Variants in STK33 observed in about 807,000 individuals in gnomAD.
STK33 encodes serine/threonine-protein kinase 33.
A neutral mutation model predicts 58.0 loss-of-function variants in STK33; 52 were observed. The observed-to-expected ratio is 0.90, with a 90% confidence interval of 0.72 to 1.13. The LOEUF (loss-of-function observed/expected upper bound fraction) is 1.13. Among genes scored for constraint, STK33 ranks in the 50% most tolerant of loss-of-function variants. The probability of loss-of-function intolerance (pLI) is 0.00; values close to 1 mark genes in which losing one functional copy is unlikely to be tolerated. For synonymous variants in STK33, 215 were observed against 200.1 expected (o/e 1.07, Z -0.63); for missense variants, 630 against 604.2 (o/e 1.04, Z -0.45).
intron 1 of STK33, among the ~76,000 whole-genome samples, chr11:8,513,748 A>G (rs1272602243): frequency 6.6e-6 from 1 of 152,164 alleles, no homozygotes; most frequent in East Asian, 1.9e-4. Flanking sequence ...CAGGCATGCA[A>G]TGTGTAATAA....
the STK33 span, among the ~76,000 whole-genome samples, chr11:8,365,274 C>G: frequency 6.6e-6 from 1 of 152,176 alleles, no homozygotes; most frequent in Non-Finnish European, 1.5e-5. Flanking sequence ...TTCTCCCTTT[C>G]TCTTCAAGAG....
chr11:8,356,905 A>T, the STK33 span, among the ~76,000 whole-genome samples: 1 of 152,146 alleles, frequency 6.6e-6, no homozygotes, highest in Non-Finnish European at 1.5e-5. Context: ...ACTGTGCAAG[A>T]GAGACAGGAG....
At chr11:8,404,263 T>A (rs1938675179) in intron 15 of STK33, among the ~76,000 whole-genome samples, 1 of 152,224 alleles carries the variant, frequency 6.6e-6, no homozygotes, top group Non-Finnish European at 1.5e-5. Flanking sequence ...GAGAAAAATA[T>A]AAATATCTTT....
intron 14 of STK33, among the ~76,000 whole-genome samples, chr11:8,419,795 G>T (rs115309775): frequency 0.013 from 1,969 of 152,096 alleles, 42 homozygotes; most frequent in African/African-American, 0.045. Flanking sequence ...GAACCCATTT[G>T]TGTAAAGTAT....
chr11:8,496,940 A>C lies in STK33; in HGVS notation c.-465-16326T>G, dbSNP rs183261785. Among the ~76,000 whole-genome samples, 295 of 152,318 alleles carry C rather than the reference A, an allele frequency of 1.9e-3. 1 individual carries two copies. The highest frequency in any genetic ancestry group is 5.8e-3 in the South Asian group (28 of 4,828). ...AAAAAAACAAGTAATTATTTTTACCATATCAGTTTTTAGAGGAAGCATTGA... is the reference window on the plus strand; with the variant it reads ...AAAAAAACAAGTAATTATTTTTACCCTATCAGTTTTTAGAGGAAGCATTGA... On this transcript the variant is annotated intron_variant, in intron 1 of 15. Coordinates refer to ENST00000687296, the MANE Select transcript of STK33 (RefSeq NM_001352389.2).
intron 1 of STK33, among the ~76,000 whole-genome samples, chr11:8,577,027 G>A (rs1958235360): frequency 6.6e-6 from 1 of 152,112 alleles, no homozygotes; most frequent in Non-Finnish European, 1.5e-5. Flanking sequence ...TGGGACTACA[G>A]GCATGAGTCA....
At chr11:8,476,279 AT>A (rs1949264828) in intron 4 of STK33, among the ~76,000 whole-genome samples, 1 of 152,234 alleles carries the variant, frequency 6.6e-6, no homozygotes, top group Non-Finnish European at 1.5e-5. Flanking sequence ...GAAAATTTAT[AT>A]TCTTAAACCT....
chr11:8,475,909 C>T (rs747346036), intron 4 of STK33: 3 of 152,008 alleles, frequency 2.0e-5, no homozygotes, highest in Non-Finnish European at 4.4e-5. Flanking sequence ...GGGATATATG[C>T]AATATACTGT....
At chr11:8,368,329 G>A in the STK33 span, among the ~76,000 whole-genome samples, 57 of 152,290 alleles carry the variant, frequency 3.7e-4, 1 homozygote, top group African/African-American at 1.3e-3. Flanking sequence ...CAAGATACCT[G>A]AAAGCTGCTG....
At chr11:8,370,137 T>G in the STK33 span, among the ~76,000 whole-genome samples, 3 of 152,080 alleles carry the variant, frequency 2.0e-5, no homozygotes, top group African/African-American at 7.2e-5. Flanking sequence ...TTGGGAGGAT[T>G]GCGGTAGAGC....
At chr11:8,337,697 C>T in the STK33 span, among the ~76,000 whole-genome samples, 2 of 151,990 alleles carry the variant, frequency 1.3e-5, no homozygotes, top group Non-Finnish European at 2.9e-5. Flanking sequence ...TGCCTCCCAC[C>T]GTTTCTCGTC....
At chr11:8,453,401 T>C (rs911859346) in intron 10 of STK33, among the ~76,000 whole-genome samples, 2 of 152,220 alleles carry the variant, frequency 1.3e-5, no homozygotes, top group Non-Finnish European at 2.9e-5. Context: ...TTATTTATAA[T>C]TGGTAAACAG....
chr11:8,341,480 G>T, the STK33 span, among the ~76,000 whole-genome samples: 67,914 of 152,092 alleles, frequency 0.45, 16,468 homozygotes, highest in Non-Finnish European at 0.54. Context: ...TCCCCACTCA[G>T]TGGCTTCCTT....
chr11:8,581,549 C>G (rs2030263818), intron 1 of STK33, among the ~76,000 whole-genome samples: 1 of 152,130 alleles, frequency 6.6e-6, no homozygotes, highest in South Asian at 2.1e-4. Context: ...AGACTCATCC[C>G]AGAAAAGACT....
In STK33 at chr11:8,534,949, A is replaced by T. The variant is rs573318107; in HGVS notation, c.-465-54335T>A. 2.6e-5 allele frequency among the ~76,000 whole-genome samples: 4 copies of T among 152,300 alleles called. No homozygotes were observed. The East Asian group carries it at 5.8e-4, about 22-fold the overall frequency. ...AATGTTTAGGAATAAAAAGAGTTAA[A>T]ATATTCCCCTGGGATGATAACGTCC... On this transcript the variant is annotated intron_variant, in intron 1 of 15. Transcript: ENST00000687296.
the STK33 span, among the ~76,000 whole-genome samples, chr11:8,351,637 C>T: frequency 6.6e-6 from 1 of 152,262 alleles, no homozygotes; most frequent in African/African-American, 2.4e-5. Context: ...CTGTTCCCTG[C>T]TCTGGCAGGC....
At chr11:8,395,723 C>T (rs1167912383) in intron 15 of STK33, among the ~76,000 whole-genome samples, 1 of 152,134 alleles carries the variant, frequency 6.6e-6, no homozygotes, top group Non-Finnish European at 1.5e-5. Context: ...TCACAATGAA[C>T]ACTCAGGTTT....
chr11:8,371,826 C>G, the STK33 span, among the ~76,000 whole-genome samples: 1 of 142,162 alleles, frequency 7.0e-6, no homozygotes, highest in Non-Finnish European at 1.5e-5. Context: ...TTCCTCCTTC[C>G]CTCCCACCCT....
At chr11:8,560,533 T>C (rs1957050005) in intron 1 of STK33, among the ~76,000 whole-genome samples, 1 of 152,204 alleles carries the variant, frequency 6.6e-6, no homozygotes, top group South Asian at 2.1e-4. Context: ...CTTATCATGG[T>C]GATTTTGTCA....
Sources: gnomAD v4.1 joint callset for allele counts (sites outside exome capture counted in the v4.1 genomes callset) on GRCh38, gnomAD v4.1.1 for gene constraint, MANE v1.5 for transcripts, NCBI Gene and HGNC (gene_info 2026-07-23, HGNC 2026-07-21) for gene names.